The following FCRLB variants were observed in gnomAD, a reference collection of about 807,000 sequenced individuals.
The protein encoded by FCRLB is Fc receptor like B, also known as Fc receptor-like B.
A neutral mutation model predicts 33.6 loss-of-function variants in FCRLB; 34 were observed. The observed-to-expected ratio is 1.01, with a 90% CI of 0.77 to 1.35. The LOEUF is 1.35. FCRLB is among the 40% of genes most tolerant of loss of function. The pLI, the probability that FCRLB is intolerant of heterozygous loss-of-function variation, is 0.00. For missense variants in FCRLB, 560 were observed against 580.2 expected, an observed-to-expected ratio of 0.97 and a Z score of 0.36; for synonymous variants, 280 against 255.9, an observed-to-expected ratio of 1.09 and a Z score of -0.90.
Position 161,723,115 on chromosome 1 carries a change from G to A in FCRLB, c.52+106G>A, listed in dbSNP as rs1683427411. ...CACTTCTTGGCTGCGCTGGGATAGT[G>A]TCTCTTCCCACTCTCGTCAACCCCT... On this transcript the variant is annotated intron_variant, in intron 4 of 7. Transcript: ENST00000367948. 6 of 1,410,700 alleles carry A rather than the reference G, an allele frequency of 4.3e-6. No individual in the cohort carries two copies. The South Asian group carries it at 4.7e-5, about 11-fold the overall frequency. 87.4% of individuals were successfully genotyped at this position (1,410,700 alleles called of 1,614,324 possible). A position where few individuals can be genotyped will look rare whatever the true frequency, so the allele number is the denominator to read the frequency against.
rs1283881044 is a variant in FCRLB, at chr1:161,726,930, G to T, written c.802G>T (p.Glu268Ter). 2.6e-6 allele frequency: 4 copies of T among 1,562,072 alleles called. No homozygotes were observed. Among genetic ancestry groups the T allele is most frequent in the African/African-American group, 1.4e-5 (1 of 73,114 alleles). The change falls in exon 7 of 8, where the codon GAG becomes TAG. Residue 268 changes from glutamate to a stop codon, truncating the protein, a stop_gained. Transcript: ENST00000367948. LOFTEE classifies it high-confidence loss of function. The surrounding 1 kb of genome is among the most constrained non-coding windows in gnomAD (Gnocchi z 5.2). ...CGAGGAGCTCGAATCGTACTGGTGCGAGGCGGCTACCGCCACCCGCAGTGT... is the reference window on the plus strand; with the variant it reads ...CGAGGAGCTCGAATCGTACTGGTGCTAGGCGGCTACCGCCACCCGCAGTGT...
intron 5 of FCRLB, among the ~76,000 whole-genome samples, chr1:161,725,122 G>A (rs188426484): frequency 1.3e-5 from 2 of 152,316 alleles, no homozygotes; most frequent in East Asian, 3.9e-4. Context: ...TGGTGAGGGA[G>A]AGGTAAGCAG....
At chr1:161,725,378 C>T (rs185258321) in intron 5 of FCRLB, among the ~76,000 whole-genome samples, 5 of 152,262 alleles carry the variant, frequency 3.3e-5, no homozygotes, top group East Asian at 1.9e-4. Flanking sequence ...CGGTGGCTCA[C>T]GCCTGTAATC....
At chr1:161,723,933 C>A (rs1009130262) in intron 5 of FCRLB, among the ~76,000 whole-genome samples, 3 of 152,200 alleles carry the variant, frequency 2.0e-5, no homozygotes, top group Admixed American at 6.5e-5. Context: ...GGACAGAGAA[C>A]TTTAGGGGGT....
chr1:161,725,082 G>A (rs1226811468), intron 5 of FCRLB, among the ~76,000 whole-genome samples: 2 of 152,208 alleles, frequency 1.3e-5, no homozygotes, highest in African/African-American at 4.8e-5. Flanking sequence ...GGAAAGTAGA[G>A]AGGAAATGGG....
chr1:161,726,806 G>A lies in FCRLB; in HGVS notation c.678G>A (p.Gln226=). 1 of 1,564,090 alleles carries A rather than the reference G, an allele frequency of 6.4e-7. No individual in the cohort carries two copies. The highest frequency in any genetic ancestry group is 8.6e-7 in the Non-Finnish European group (1 of 1,156,148). The change falls in exon 7 of 8, where the codon CAG becomes CAA. Residue 226 remains glutamine (Q), a synonymous_variant. Transcript: ENST00000367948. This position sits in a 1 kb window ranked among gnomAD's most constrained non-coding sequence, Gnocchi z 5.2. Reference sequence around the variant, plus strand: ...GCTGCGACACGCGCCTGCACCCGCAGAAGCGCGACACGCCGCTGCAGTTCG... The same window carrying A: ...GCTGCGACACGCGCCTGCACCCGCAAAAGCGCGACACGCCGCTGCAGTTCG...
chr1:161,722,359 G>T (rs1458880722), intron 2 of FCRLB, among the ~76,000 whole-genome samples: 4 of 152,196 alleles, frequency 2.6e-5, no homozygotes, highest in Non-Finnish European at 5.9e-5. Flanking sequence ...TGGAGCCTGG[G>T]GTTCTATGGG....
chr1:161,726,751 G>A lies in FCRLB; in HGVS notation c.623G>A (p.Arg208His). ...AGGGTGATGGGTCCGCGGGAGGCCC[G>A]CGGCGCGGCGCTGGGTGGGGTGGTG... Residue 208 changes from arginine (R) to histidine (H), a missense_variant, in exon 7 of 8, where the codon CGC becomes CAC. Transcript: ENST00000367948. The surrounding 1 kb of genome is among the most constrained non-coding windows in gnomAD (Gnocchi z 5.2). The A allele has an allele frequency of 6.3e-7, 1 of 1,589,380 alleles. No individual in the cohort carries two copies. The highest frequency in any genetic ancestry group is 8.5e-7 in the Non-Finnish European group (1 of 1,171,558).
At chr1:161,722,701 T>C (rs1683410325) in exon 3 of FCRLB, 1 of 1,614,090 alleles carries the variant, frequency 6.2e-7, no homozygotes, top group Non-Finnish European at 8.5e-7. Flanking sequence ...CTTCTGCTCC[T>C]GGGTGAGTCC....
At position 161,727,592 on chromosome 1, in the gene FCRLB, C is replaced by T. The variant is rs150326169; in HGVS notation, c.1211C>T (p.Thr404Met). 6.8e-5 allele frequency: 109 copies of T among 1,614,186 alleles called. No individual in the cohort carries two copies. The African/African-American group carries it at 1.2e-3, about 17-fold the overall frequency. The stretch of plus-strand genomic sequence containing the variant: ...CAGGCCCTCCGGGAGCTCAGGGGAA[C>T]GCCCGAGACCCCCACCTCTCACTTT... The change falls in exon 8 of 8, where the codon ACG (threonine) becomes ATG (methionine). Residue 404 changes from threonine to methionine, a missense_variant. Physicochemically the swap from Thr to Met is moderately conservative, Grantham distance 81 (BLOSUM62 -1). Coordinates refer to ENST00000367948, the Ensembl canonical transcript of FCRLB.
exon 8 of FCRLB, chr1:161,727,685 G>C: frequency 6.4e-7 from 1 of 1,562,182 alleles, no homozygotes; most frequent in Non-Finnish European, 8.7e-7. Context: ...CGTCCCCTCT[G>C]CAGGCTCATT....
In FCRLB at chr1:161,723,401, A is replaced by C. The variant is rs200559498; in HGVS notation, c.87A>C (p.Pro29=). 9.2e-5 allele frequency: 148 copies of C among 1,614,032 alleles called. No individual in the cohort carries two copies. The East Asian group carries it at 3.3e-3, about 35-fold the overall frequency. ...AGAAGCCCATATTGTCTCTACATCCACCTTGGACCACCATCTTCAAAGGGG... is the reference window on the plus strand; with the variant it reads ...AGAAGCCCATATTGTCTCTACATCCCCCTTGGACCACCATCTTCAAAGGGG... Residue 29 remains proline, a synonymous_variant, in exon 5 of 8, where the codon CCA becomes CCC. Transcript: ENST00000367948.
intron 2 of FCRLB, among the ~76,000 whole-genome samples, chr1:161,722,096 G>A (rs776177406): frequency 1.3e-5 from 2 of 152,236 alleles, no homozygotes; most frequent in Non-Finnish European, 2.9e-5. Context: ...GGGATGTGAA[G>A]GGTGGTTGGT....
chr1:161,725,812 C>T lies in FCRLB; in HGVS notation c.308-9C>T, dbSNP rs56368909. ...GTGGAGTCAAGCGTGTCTGTGGTGT[C>T]TGTCGCAGATTGGCTGATTCTGCAA... On this transcript the variant is annotated splice_polypyrimidine_tract_variant and intron_variant, in intron 5 of 7. Coordinates refer to ENST00000367948, the Ensembl canonical transcript of FCRLB. 6,587 of 1,595,138 alleles carry T rather than the reference C, an allele frequency of 4.1e-3. 16 individuals carry two copies. Among genetic ancestry groups the T allele is most frequent in the Non-Finnish European group, 5.2e-3 (6,089 of 1,167,992 alleles).
At chr1:161,722,674 T>C in exon 3 of FCRLB, 2 of 1,614,108 alleles carry the variant, frequency 1.2e-6, no homozygotes, top group Middle Eastern at 1.6e-4. Context: ...AGATCCATCA[T>C]GTGGCCACTG....
intron 2 of FCRLB, 132 bp downstream of exon 2, chr1:161,721,982 C>T (rs1483075986): frequency 6.6e-6 from 1 of 152,168 alleles, no homozygotes; most frequent in Non-Finnish European, 1.5e-5. Context: ...GAAGAGTTTT[C>T]TAACTTCTTA....
At chr1:161,724,267 A>G (rs1202953462) in intron 5 of FCRLB, among the ~76,000 whole-genome samples, 1 of 152,122 alleles carries the variant, frequency 6.6e-6, no homozygotes, top group African/African-American at 2.4e-5. Flanking sequence ...TTAAAACAGG[A>G]TAAGAAAAAT....
exon 8 of FCRLB, chr1:161,727,392 C>A: frequency 6.2e-7 from 1 of 1,613,450 alleles, no homozygotes; most frequent in Non-Finnish European, 8.5e-7. Flanking sequence ...CCACCTCCAC[C>A]GGGCTGCAGT....
At chr1:161,727,990 G>T (rs1683658146) in exon 8 of FCRLB, 2 of 241,046 alleles carry the variant, frequency 8.3e-6, no homozygotes, top group Non-Finnish European at 1.6e-5. Flanking sequence ...CAGTTTTTTT[G>T]GTATTTAAGT....
Sources: allele counts gnomAD v4.1 joint callset (sites outside exome capture counted in the v4.1 genomes callset), GRCh38; gene constraint gnomAD v4.1.1; non-coding constraint Gnocchi (gnomAD v3.1); transcripts MANE v1.5; gene names NCBI Gene and HGNC (gene_info 2026-07-23, HGNC 2026-07-21).